Variants in ZNF652 observed in about 807,000 individuals in gnomAD.
ZNF652 encodes the protein zinc finger protein 652.
Under a neutral mutation model 45.2 loss-of-function variants are expected in ZNF652, and 16 were observed. The ratio of observed to expected loss-of-function variants is 0.35; its 90% CI spans 0.24 to 0.54. The LOEUF is 0.54. Among genes scored for constraint, ZNF652 ranks in the 20% least tolerant of loss-of-function variants. ZNF652 has a pLI of 0.91. For synonymous variants in ZNF652, 250 were observed against 260.6 expected (o/e 0.96, Z 0.39); for missense variants, 614 against 765.6 (o/e 0.80, Z 2.34).
At chr17:49,314,038 A>T (rs1450291611) in intron 2 of ZNF652, among the ~76,000 whole-genome samples, 1 of 147,386 alleles carries the variant, frequency 6.8e-6, no homozygotes, top group Non-Finnish European at 1.5e-5. Flanking sequence ...ATGCATTTGG[A>T]GCATTTATTA....
chr17:49,304,579 G>T (rs1179936966), intron 5 of ZNF652, among the ~76,000 whole-genome samples: 4 of 152,062 alleles, frequency 2.6e-5, no homozygotes, highest in African/African-American at 9.7e-5. Context: ...TAAATGGGTG[G>T]CAAGAAGATA....
rs118126188 is a variant in ZNF652 at position 49,323,733 on chromosome 17, C to T, written c.-258-5750G>A. 1.4e-3 allele frequency among the ~76,000 whole-genome samples: 206 copies of T among 152,288 alleles called. 5 individuals are homozygous for T. The East Asian group carries it at 0.038, about 28-fold the overall frequency. On this transcript the variant is annotated intron_variant, in intron 1 of 5. Transcript: ENST00000430262. ...ATCCCCTTGTACATCTCCATCAGAGCTCTTGGGTAACTAGGTGCACTGTCA... is the reference window on the plus strand; with the variant it reads ...ATCCCCTTGTACATCTCCATCAGAGTTCTTGGGTAACTAGGTGCACTGTCA...
At chr17:49,325,122 G>A (rs1055801158) in intron 1 of ZNF652, among the ~76,000 whole-genome samples, 1 of 152,100 alleles carries the variant, frequency 6.6e-6, no homozygotes, top group Non-Finnish European at 1.5e-5. Flanking sequence ...AGAGGCCTAC[G>A]TTTTGGCCTG....
intron 5 of ZNF652, among the ~76,000 whole-genome samples, chr17:49,307,206 G>A (rs897551731): frequency 4.0e-5 from 6 of 151,780 alleles, no homozygotes; most frequent in African/African-American, 9.7e-5. Context: ...AGGCTGAGGC[G>A]GGTGGATCAC....
intron 1 of ZNF652, among the ~76,000 whole-genome samples, chr17:49,344,015 A>G (rs1314222643): frequency 6.6e-5 from 10 of 152,010 alleles, no homozygotes; most frequent in Admixed American, 6.6e-4. Flanking sequence ...TGGCTAACAC[A>G]GTGAAACCCC....
chr17:49,331,527 G>T (rs1013982507), intron 1 of ZNF652, among the ~76,000 whole-genome samples: 4 of 152,052 alleles, frequency 2.6e-5, no homozygotes, highest in Admixed American at 2.6e-4. Context: ...GGCTACCTAT[G>T]ATATAATCCA....
chr17:49,315,812 G>A (rs775998388), intron 2 of ZNF652, among the ~76,000 whole-genome samples: 2 of 152,132 alleles, frequency 1.3e-5, no homozygotes, highest in Non-Finnish European at 2.9e-5. Flanking sequence ...AATCAAAAGC[G>A]GTGAATTTTT....
Position 49,298,201 on chromosome 17 carries a change from C to A in ZNF652, c.*212G>T. 1.7e-6 allele frequency: 1 copy of A among 600,746 alleles called. No homozygotes were observed. The highest frequency in any genetic ancestry group is 2.8e-6 in the Non-Finnish European group (1 of 358,788). 37.2% of individuals were successfully genotyped at this position (600,746 alleles called of 1,614,324 possible). A position where few individuals can be genotyped will look rare whatever the true frequency, so the allele number is the denominator to read the frequency against. ...AATGCAAGCAAATTGGGCTTTAGTTCAGTGGTTCCCCTGGTTTAGATGACA... is the reference window on the plus strand; with the variant it reads ...AATGCAAGCAAATTGGGCTTTAGTTAAGTGGTTCCCCTGGTTTAGATGACA... On this transcript the variant is annotated 3_prime_UTR_variant, in exon 6 of 6. Coordinates refer to ENST00000430262, the MANE Select transcript of ZNF652 (RefSeq NM_001145365.3).
chr17:49,298,855 C>A lies in ZNF652; in HGVS notation c.1379G>T (p.Arg460Leu). ...GGGCTTCTCGCCTGTGTGAGTTCTG[C>A]GGTGTCTCTTCATGTTGGGGCGGCT... ...FTSRPNMKRH[R>L]RTHTGEKPYP... The change falls in exon 6 of 6, where the codon CGC becomes CTC. Residue 460 changes from arginine (R) to leucine (L), a missense_variant. Physicochemically the swap from Arg to Leu is moderately radical, Grantham distance 102 (BLOSUM62 -2). Transcript: ENST00000430262. 2 of 1,613,898 alleles carry A rather than the reference C, an allele frequency of 1.2e-6. No homozygotes were observed. The highest frequency in any genetic ancestry group is 1.7e-6 in the Non-Finnish European group (2 of 1,180,012).
chr17:49,343,534 A>G (rs977456440), intron 1 of ZNF652, among the ~76,000 whole-genome samples: 6 of 152,116 alleles, frequency 3.9e-5, no homozygotes, highest in African/African-American at 7.2e-5. Context: ...ATTTTATACA[A>G]TATCTTTCTT....
chr17:49,336,614 G>A (rs1422713215), intron 1 of ZNF652, among the ~76,000 whole-genome samples: 1 of 151,072 alleles, frequency 6.6e-6, no homozygotes, highest in African/African-American at 2.4e-5. Flanking sequence ...CGTGAGCCAC[G>A]GTGCCCGGCC....
chr17:49,289,356 G>C lies in ZNF652; in HGVS notation c.*9057C>G, dbSNP rs1180152167. 1.3e-5 allele frequency: 2 copies of C among 152,020 alleles called. No individual in the cohort carries two copies. The highest frequency in any genetic ancestry group is 2.9e-5 in the Non-Finnish European group (2 of 68,026). The allele number at this position is 152,020 out of a possible 1,614,324, so 9.4% of individuals were successfully genotyped here. A position where few individuals can be genotyped will look rare whatever the true frequency, so the allele number is the denominator to read the frequency against. On this transcript the variant is annotated 3_prime_UTR_variant, in exon 6 of 6. Transcript: ENST00000430262. ...AATAAAATATACAATGCTACATTGA[G>C]TGGTTAAAAATACACAAAAAAGTAG...
In ZNF652 at chr17:49,354,186, TTTC is replaced by T. The variant is rs760917140; in HGVS notation, c.-259+7720_-259+7722del. Among the ~76,000 whole-genome samples the T allele has an allele frequency of 3.2e-4, 49 of 152,266 alleles. 1 individual carries two copies. Among genetic ancestry groups the T allele is most frequent in the African/African-American group, 1.0e-3 (43 of 41,562 alleles). ...TAAACATTTTCTCACTTAGCAATAG[TTTC>T]TTATTATATTATATAAGCTTTAAAT... On this transcript the variant is annotated intron_variant, in intron 1 of 5. Transcript: ENST00000430262.
At chr17:49,350,998 TATATATATATATATATACACAC>T (rs1382284169) in intron 1 of ZNF652, among the ~76,000 whole-genome samples, 52 of 22,580 alleles carry the variant, frequency 2.3e-3, no homozygotes, top group African/African-American at 8.4e-3. Context: ...TATATATATA[TATATATATATATATATACACAC>T]ACACACACAC....
intron 1 of ZNF652, among the ~76,000 whole-genome samples, chr17:49,330,071 A>C (rs1439217357): frequency 6.6e-6 from 1 of 152,208 alleles, no homozygotes; most frequent in Non-Finnish European, 1.5e-5. Context: ...AGATAGGAGA[A>C]TATAACTTGA....
At chr17:49,324,162 G>A (rs573011839) in intron 1 of ZNF652, among the ~76,000 whole-genome samples, 10 of 152,294 alleles carry the variant, frequency 6.6e-5, no homozygotes, top group East Asian at 3.9e-4. Flanking sequence ...CTGCTTCACC[G>A]TGCACTTTTA....
rs2069511707 is a variant in ZNF652 at position 49,298,792 on chromosome 17, G to A, written c.1442C>T (p.Ser481Leu). The change falls in exon 6 of 6, where the codon TCG becomes TTG. Residue 481 changes from serine (S) to leucine (L), a missense_variant. This residue lies in a region of ZNF652 where 81 missense variants were observed against 167.0 expected (regional missense o/e 0.48). Coordinates refer to ENST00000430262, the MANE Select transcript of ZNF652 (RefSeq NM_001145365.3). ...CDVCGQRFRF[S>L]NMLKAHKEKC... ...CTCCTTGTGGGCCTTAAGCATGTTC[G>A]AGAAGCGGAACCGCTGGCCACACAC... 5 of 1,613,924 alleles carry A rather than the reference G, an allele frequency of 3.1e-6. No individual in the cohort carries two copies. Among genetic ancestry groups the A allele is most frequent in the Admixed American group, 1.7e-5 (1 of 59,990 alleles).
At chr17:49,314,154 T>A (rs571735174) in intron 2 of ZNF652, among the ~76,000 whole-genome samples, 1 of 151,994 alleles carries the variant, frequency 6.6e-6, no homozygotes, top group African/African-American at 2.4e-5. Flanking sequence ...CTCTCTCTCC[T>A]TTTTAAAATC....
intron 1 of ZNF652, among the ~76,000 whole-genome samples, chr17:49,323,649 C>T (rs896719538): frequency 4.6e-5 from 7 of 152,180 alleles, no homozygotes; most frequent in Non-Finnish European, 1.0e-4. Context: ...GTAAAAATTA[C>T]TCATTGATCC....
Sources: allele counts gnomAD v4.1 joint callset (sites outside exome capture counted in the v4.1 genomes callset), GRCh38; gene constraint gnomAD v4.1.1; regional missense constraint gnomAD v4.1.1; transcripts MANE v1.5; gene names NCBI Gene and HGNC (gene_info 2026-07-23, HGNC 2026-07-21).